The following AKAP6 variants were observed in gnomAD, a reference collection of about 807,000 sequenced individuals.
AKAP6 encodes A-kinase anchor protein 6.
AKAP6 carries 58 observed loss-of-function variants against 188.5 expected under a neutral mutation model. The ratio of observed to expected loss-of-function variants is 0.31; its 90% confidence interval spans 0.25 to 0.38. The LOEUF is 0.38. AKAP6 is among the 10% of genes least tolerant of loss of function. The probability of loss-of-function intolerance (pLI) is 1.00; values close to 1 mark genes in which losing one functional copy is unlikely to be tolerated. For missense variants in AKAP6, 2,710 were observed against 2,740.0 expected (o/e 0.99, Z 0.24); for synonymous variants, 989 against 998.6 (o/e 0.99, Z 0.18).
intron 4 of AKAP6, among the ~76,000 whole-genome samples, chr14:32,561,744 C>A (rs1265787540): frequency 6.6e-6 from 1 of 152,150 alleles, no homozygotes; most frequent in Non-Finnish European, 1.5e-5. Flanking sequence ...AGACCAGGGC[C>A]AGTGGTGACA....
Position 32,577,100 on chromosome 14 carries a change from C to A in AKAP6, c.2347-20C>A, listed in dbSNP as rs761114123. The A allele has an allele frequency of 3.1e-6, 5 of 1,589,490 alleles. No homozygotes were observed. In the Admixed American group the frequency reaches 7.7e-5, roughly 25 times the overall value. On this transcript the variant is annotated intron_variant, in intron 4 of 13. Coordinates refer to ENST00000280979, the MANE Select transcript of AKAP6 (RefSeq NM_004274.5). Reference sequence around the variant, plus strand: ...TGCCTTTCTTGCCCCTTTTTTTCCCCTTTTCTTTCCTTTCACAAGGGGTTT... The same window carrying A: ...TGCCTTTCTTGCCCCTTTTTTTCCCATTTTCTTTCCTTTCACAAGGGGTTT...
intron 1 of AKAP6, among the ~76,000 whole-genome samples, chr14:32,366,311 C>T (rs937769704): frequency 2.0e-5 from 3 of 152,230 alleles, no homozygotes; most frequent in South Asian, 2.1e-4. Flanking sequence ...TAGAACACTA[C>T]ATTTGAACTG....
chr14:32,624,927 G>A (rs2139431846), intron 7 of AKAP6, among the ~76,000 whole-genome samples: 1 of 152,080 alleles, frequency 6.6e-6, no homozygotes, highest in African/African-American at 2.4e-5. Flanking sequence ...TATTTATGAA[G>A]GGTTTGTGTG....
At chr14:32,346,271 A>G (rs17098833) in intron 1 of AKAP6, among the ~76,000 whole-genome samples, 10,729 of 152,268 alleles carry the variant, frequency 0.07, 520 homozygotes, top group African/African-American at 0.14. Context: ...CAGGGAGCTA[A>G]GACTCTGATA....
intron 1 of AKAP6, among the ~76,000 whole-genome samples, chr14:32,411,135 G>A (rs765850981): frequency 2.6e-5 from 4 of 152,082 alleles, no homozygotes; most frequent in Non-Finnish European, 4.4e-5. Context: ...TGACTGGAGA[G>A]GTCGTGGCAT....
At chr14:32,733,218 A>G (rs2031265334) in intron 10 of AKAP6, 1 of 155,106 alleles carries the variant, frequency 6.4e-6, no homozygotes. Context: ...AAAGACTGAG[A>G]TGCAAGAATC....
At chr14:32,679,797 T>C (rs1213566815) in intron 8 of AKAP6, among the ~76,000 whole-genome samples, 1 of 152,212 alleles carries the variant, frequency 6.6e-6, no homozygotes, top group Non-Finnish European at 1.5e-5. Flanking sequence ...ATGAGACATA[T>C]TATATATGTA....
At chr14:32,811,669 C>T (rs73258710) in intron 12 of AKAP6, among the ~76,000 whole-genome samples, 1 of 152,126 alleles carries the variant, frequency 6.6e-6, no homozygotes, top group African/African-American at 2.4e-5. Context: ...AGTAAGACAC[C>T]CAGCTCATGT....
intron 12 of AKAP6, among the ~76,000 whole-genome samples, chr14:32,781,787 A>G (rs901417992): frequency 6.6e-6 from 1 of 152,220 alleles, no homozygotes; most frequent in Non-Finnish European, 1.5e-5. Flanking sequence ...TTGCACACTC[A>G]GGAAACCCAT....
chr14:32,700,824 T>C (rs1890591129), intron 9 of AKAP6, among the ~76,000 whole-genome samples: 1 of 151,966 alleles, frequency 6.6e-6, no homozygotes, highest in Admixed American at 6.6e-5. Flanking sequence ...GACCAGAAAG[T>C]GAGGTGGGGA....
intron 11 of AKAP6, among the ~76,000 whole-genome samples, chr14:32,758,560 C>A (rs899829165): frequency 3.9e-5 from 6 of 152,018 alleles, no homozygotes; most frequent in Non-Finnish European, 5.9e-5. Flanking sequence ...ATGGAGAAAC[C>A]CCATCTCTAC....
At chr14:32,503,280 C>T (rs1880698390) in intron 2 of AKAP6, among the ~76,000 whole-genome samples, 1 of 151,898 alleles carries the variant, frequency 6.6e-6, no homozygotes, top group Admixed American at 6.6e-5. Context: ...TGTTGTTGGT[C>T]TTTTCTTTTT....
chr14:32,722,467 A>G (rs938571504), intron 9 of AKAP6, among the ~76,000 whole-genome samples: 9 of 152,158 alleles, frequency 5.9e-5, no homozygotes, highest in African/African-American at 1.2e-4. Flanking sequence ...CAAGCCTGGA[A>G]CCGCAGCCCT....
At chr14:32,726,155 C>G in intron 9 of AKAP6, 3 of 981,404 alleles carry the variant, frequency 3.1e-6, no homozygotes, top group Non-Finnish European at 3.6e-6. Context: ...ACACCATAGA[C>G]TTTTCATTAC....
At chr14:32,344,702 A>G (rs10131096) in intron 1 of AKAP6, among the ~76,000 whole-genome samples, 34,136 of 151,984 alleles carry the variant, frequency 0.22, 5,722 homozygotes, top group African/African-American at 0.48. Context: ...GATCACTTGA[A>G]GTCAGGAGTT....
intron 12 of AKAP6, among the ~76,000 whole-genome samples, chr14:32,811,669 C>A (rs73258710): frequency 0.012 from 1,839 of 152,240 alleles, 37 homozygotes; most frequent in African/African-American, 0.042. Context: ...AGTAAGACAC[C>A]CAGCTCATGT....
chr14:32,719,922 T>C (rs2139782733), intron 9 of AKAP6, among the ~76,000 whole-genome samples: 2 of 152,232 alleles, frequency 1.3e-5, no homozygotes, highest in South Asian at 4.1e-4. Context: ...AAGTCCAGAT[T>C]TAAACAAACT....
At chr14:32,688,104 A>G (rs1890011469) in intron 8 of AKAP6, among the ~76,000 whole-genome samples, 1 of 150,826 alleles carries the variant, frequency 6.6e-6, no homozygotes, top group African/African-American at 2.4e-5. Flanking sequence ...TGATGAAGAC[A>G]TAAATATATA....
intron 7 of AKAP6, among the ~76,000 whole-genome samples, chr14:32,670,739 T>TC (rs1889153867): frequency 6.6e-6 from 1 of 152,002 alleles, no homozygotes; most frequent in African/African-American, 2.4e-5. Flanking sequence ...CTTTTTTTTT[T>TC]CCCTGGGAAG....
Sources: gnomAD v4.1 joint callset for allele counts (sites outside exome capture counted in the v4.1 genomes callset) on GRCh38, gnomAD v4.1.1 for gene constraint, MANE v1.5 for transcripts, NCBI Gene and HGNC (gene_info 2026-07-23, HGNC 2026-07-21) for gene names.